Variants in NRG3 observed in about 807,000 individuals in gnomAD.
The protein encoded by NRG3 is pro-neuregulin-3, membrane-bound isoform.
A neutral mutation model predicts 66.9 loss-of-function variants in NRG3; 31 were observed. That is an observed-to-expected ratio of 0.46 (90% confidence interval 0.35 to 0.63). The LOEUF (loss-of-function observed/expected upper bound fraction) is 0.63, where lower values mean the gene tolerates loss of function less well. Among genes scored for constraint, NRG3 ranks in the 20% least tolerant of loss-of-function variants. The pLI is 0.00. For missense variants in NRG3, 910 were observed against 878.9 expected (o/e 1.04, Z -0.45); for synonymous variants, 393 against 359.4 (o/e 1.09, Z -1.06).
At chr10:82,028,005 G>A (rs557666195) in intron 1 of NRG3, among the ~76,000 whole-genome samples, 2 of 152,120 alleles carry the variant, frequency 1.3e-5, no homozygotes, top group Admixed American at 1.3e-4. Context: ...TGGCTGGGTT[G>A]TATTATTAAC....
intron 2 of NRG3, among the ~76,000 whole-genome samples, chr10:82,701,901 T>C (rs925162504): frequency 2.6e-5 from 4 of 152,164 alleles, no homozygotes; most frequent in Non-Finnish European, 5.9e-5. Flanking sequence ...TTCCAACATA[T>C]AGGGATATAT....
chr10:82,052,123 C>G (rs2063626906), intron 1 of NRG3, among the ~76,000 whole-genome samples: 3 of 150,798 alleles, frequency 2.0e-5, no homozygotes, highest in Admixed American at 2.0e-4. Context: ...AAGCAATGTG[C>G]AAGTTAGATA....
chr10:82,933,676 AT>A (rs1847796432), intron 4 of NRG3, among the ~76,000 whole-genome samples: 1 of 152,192 alleles, frequency 6.6e-6, no homozygotes, highest in South Asian at 2.1e-4. Flanking sequence ...CTAATCTTAC[AT>A]TTTAATTCTA....
intron 3 of NRG3, among the ~76,000 whole-genome samples, chr10:82,751,293 A>G (rs1211136721): frequency 6.6e-6 from 1 of 152,180 alleles, no homozygotes; most frequent in East Asian, 1.9e-4. Flanking sequence ...GCAGATAAAC[A>G]TTAGATTCCC....
chr10:81,923,768 T>A (rs1846495366), intron 1 of NRG3, among the ~76,000 whole-genome samples: 1 of 152,122 alleles, frequency 6.6e-6, no homozygotes, highest in Non-Finnish European at 1.5e-5. Flanking sequence ...CTGAACCACA[T>A]AATGTTTTGT....
chr10:82,483,506 CTGA>C (rs1157899040), intron 2 of NRG3, among the ~76,000 whole-genome samples: 7 of 152,272 alleles, frequency 4.6e-5, no homozygotes, highest in African/African-American at 1.7e-4. Flanking sequence ...CATGATGTTG[CTGA>C]TGATGTAAAG....
intron 1 of NRG3, among the ~76,000 whole-genome samples, chr10:82,233,091 G>A (rs1010921701): frequency 4.6e-5 from 7 of 152,150 alleles, no homozygotes; most frequent in Admixed American, 3.9e-4. Flanking sequence ...GCGGCTGTTC[G>A]CAGTGGCTCA....
intron 1 of NRG3, among the ~76,000 whole-genome samples, chr10:82,234,770 A>G (rs1183994315): frequency 2.6e-5 from 4 of 152,218 alleles, no homozygotes; most frequent in Non-Finnish European, 1.5e-5. Context: ...ATACCAAGTC[A>G]AGTCAGGAGA....
At chr10:82,705,308 T>C (rs3000989) in intron 2 of NRG3, among the ~76,000 whole-genome samples, 86,531 of 152,092 alleles carry the variant, frequency 0.57, 27,195 homozygotes, top group East Asian at 0.73. Context: ...AAGTGTCTGC[T>C]TTGCATGTTA....
At chr10:82,189,079 G>A (rs912843663) in intron 1 of NRG3, among the ~76,000 whole-genome samples, 1 of 151,840 alleles carries the variant, frequency 6.6e-6, no homozygotes, top group Admixed American at 6.6e-5. Context: ...TTTTGAAAAC[G>A]GTTTAATTTT....
At chr10:82,899,119 C>T (rs2131861685) in intron 4 of NRG3, among the ~76,000 whole-genome samples, 2 of 152,142 alleles carry the variant, frequency 1.3e-5, no homozygotes, top group Middle Eastern at 6.8e-3. Flanking sequence ...TAAATTTATT[C>T]ATAGGGTCCC....
chr10:82,094,484 C>T (rs1057500151), intron 1 of NRG3, among the ~76,000 whole-genome samples: 21 of 152,320 alleles, frequency 1.4e-4, no homozygotes, highest in African/African-American at 4.6e-4. Flanking sequence ...AGCAGTTCCC[C>T]TGCTGGGTAT....
intron 1 of NRG3, among the ~76,000 whole-genome samples, chr10:81,978,967 G>T (rs1252097658): frequency 1.3e-5 from 2 of 152,010 alleles, no homozygotes; most frequent in Non-Finnish European, 2.9e-5. Flanking sequence ...GAGGTGGGCG[G>T]ATCACAAGGT....
chr10:82,523,235 T>G (rs1366242792), intron 2 of NRG3, among the ~76,000 whole-genome samples: 2 of 151,924 alleles, frequency 1.3e-5, no homozygotes, highest in African/African-American at 4.8e-5. Context: ...ATACAAGAGT[T>G]TGTGCAAACA....
chr10:82,322,286 G>A (rs539814811), intron 1 of NRG3, among the ~76,000 whole-genome samples: 265 of 152,208 alleles, frequency 1.7e-3, no homozygotes, highest in Non-Finnish European at 2.8e-3. Context: ...TTAAAATTTA[G>A]GGGTTTTTAA....
chr10:81,901,029 A>G (rs1844020058), intron 1 of NRG3, among the ~76,000 whole-genome samples: 1 of 152,220 alleles, frequency 6.6e-6, no homozygotes, highest in Non-Finnish European at 1.5e-5. Context: ...GCTTATTGAT[A>G]TTTAAAGACA....
intron 1 of NRG3, among the ~76,000 whole-genome samples, chr10:82,075,972 T>C (rs2065069979): frequency 6.6e-6 from 1 of 150,834 alleles, no homozygotes; most frequent in African/African-American, 2.4e-5. Flanking sequence ...AAAACGATCA[T>C]TTAAAGAAGA....
intron 4 of NRG3, among the ~76,000 whole-genome samples, chr10:82,948,723 A>G (rs1181171407): frequency 2.0e-5 from 3 of 152,048 alleles, no homozygotes; most frequent in African/African-American, 7.2e-5. Flanking sequence ...CTGTAAAATG[A>G]TGTACATTTA....
intron 1 of NRG3, among the ~76,000 whole-genome samples, chr10:81,996,836 T>C (rs2060958400): frequency 6.6e-6 from 1 of 152,170 alleles, no homozygotes; most frequent in Admixed American, 6.6e-5. Context: ...TATCATCATT[T>C]TGGAACCTTA....
Sources: allele counts gnomAD v4.1 joint callset (sites outside exome capture counted in the v4.1 genomes callset), GRCh38; gene constraint gnomAD v4.1.1; transcripts MANE v1.5; gene names NCBI Gene and HGNC (gene_info 2026-07-23, HGNC 2026-07-21).